Variants in ANKRD30A observed in about 807,000 individuals in gnomAD.
ANKRD30A encodes the protein ankyrin repeat domain-containing protein 30A.
ANKRD30A carries 170 observed loss-of-function variants against 166.3 expected under a neutral mutation model. The observed-to-expected ratio is 1.02, with a 90% CI of 0.90 to 1.16. The LOEUF (loss-of-function observed/expected upper bound fraction) is 1.16. Among genes scored for constraint, ANKRD30A ranks in the 50% most tolerant of loss-of-function variants. The probability of loss-of-function intolerance (pLI) is 0.00; values close to 1 mark genes in which losing one functional copy is unlikely to be tolerated. For missense variants in ANKRD30A, 1,630 were observed against 1,518.0 expected, an observed-to-expected ratio of 1.07 and a Z score of -1.23; for synonymous variants, 564 against 508.9, an observed-to-expected ratio of 1.11 and a Z score of -1.46.
At chr10:37,126,426 A>G (rs1489378841) in intron 1 of ANKRD30A, among the ~76,000 whole-genome samples, 2 of 152,244 alleles carry the variant, frequency 1.3e-5, no homozygotes, top group Non-Finnish European at 2.9e-5. Flanking sequence ...TTCCCATAAT[A>G]TATGTACTTC....
At chr10:37,129,762 CAGG>C (rs72246787) in intron 1 of ANKRD30A, 128 bp from the exon 2 acceptor site, 200,829 of 443,380 alleles carry the variant, frequency 0.45, 46,931 homozygotes, top group South Asian at 0.71. Context: ...GTACTTTCTT[CAGG>C]AGAATATTAA....
chr10:37,203,010 A>G (rs948769672), intron 31 of ANKRD30A, among the ~76,000 whole-genome samples: 3 of 152,194 alleles, frequency 2.0e-5, no homozygotes, highest in African/African-American at 4.8e-5. Flanking sequence ...ACCAACCAAG[A>G]AAAGTCCAGG....
intron 15 of ANKRD30A, among the ~76,000 whole-genome samples, chr10:37,159,765 G>A (rs1010908818): frequency 6.6e-6 from 1 of 151,842 alleles, no homozygotes; most frequent in African/African-American, 2.4e-5. Flanking sequence ...GCGCGATCTC[G>A]GCTCACGCAA....
At position 37,141,699 on chromosome 10, in the gene ANKRD30A, C is replaced by A; in HGVS notation, c.821-19C>A. On this transcript the variant is annotated intron_variant, in intron 6 of 35. Transcript: ENST00000361713. ...ATATTTAGTAGAAGGAAAATTTAACCAGATTGTGTGTTTGGCAGAAGGAAC... is the reference window on the plus strand; with the variant it reads ...ATATTTAGTAGAAGGAAAATTTAACAAGATTGTGTGTTTGGCAGAAGGAAC... 6.2e-7 allele frequency: 1 copy of A among 1,610,518 alleles called. No individual in the cohort carries two copies. Among genetic ancestry groups the A allele is most frequent in the Non-Finnish European group, 8.5e-7 (1 of 1,179,470 alleles).
intron 15 of ANKRD30A, among the ~76,000 whole-genome samples, chr10:37,159,042 T>A (rs373253598): frequency 2.2e-4 from 34 of 152,300 alleles, no homozygotes; most frequent in Admixed American, 1.6e-3. Flanking sequence ...TGTGTGACTT[T>A]TAATTTTAAA....
rs567044388 is a variant in ANKRD30A, at chr10:37,212,193, G to A, written c.2870-3988G>A. Among the ~76,000 whole-genome samples the A allele has an allele frequency of 5.9e-5, 9 of 152,086 alleles. 1 individual carries two copies. The East Asian group carries it at 1.7e-3, about 29-fold the overall frequency. On this transcript the variant is annotated intron_variant, in intron 31 of 35. Coordinates refer to ENST00000361713, the MANE Select transcript of ANKRD30A (RefSeq NM_052997.3). ...AAGTCTCAGGATACAAAATCAATGT[G>A]CAAAAATCACAAGCATTGTTATACA...
At chr10:37,219,930 C>T in intron 34 of ANKRD30A, 33 bp downstream of exon 34, 1 of 1,392,874 alleles carries the variant, frequency 7.2e-7, no homozygotes, top group Non-Finnish European at 9.3e-7. Context: ...ACTTGTCAAA[C>T]TTCCTGAAAG....
At chr10:37,232,891 TAAA>T (rs142064765), downstream of ANKRD30A, among the ~76,000 whole-genome samples, 2 of 127,424 alleles carry the variant, frequency 1.6e-5, no homozygotes, top group South Asian at 2.8e-4. Context: ...TAGCCCCTGT[TAAA>T]AAAAAAAAAA....
At chr10:37,260,144 A>AAG in the ANKRD30A span, among the ~76,000 whole-genome samples, 1 of 151,744 alleles carries the variant, frequency 6.6e-6, no homozygotes, top group Non-Finnish European at 1.5e-5. Flanking sequence ...ACAAAAAAAA[A>AAG]AGAGAGAGAA....
chr10:37,179,703 T>C (rs1377973458), intron 24 of ANKRD30A, among the ~76,000 whole-genome samples: 1 of 140,900 alleles, frequency 7.1e-6, no homozygotes. Context: ...ATGTTTGTAA[T>C]GCAATGATAT....
chr10:37,156,399 T>C (rs1179749586), intron 13 of ANKRD30A, among the ~76,000 whole-genome samples: 2 of 152,080 alleles, frequency 1.3e-5, no homozygotes, highest in African/African-American at 2.4e-5. Context: ...ACTAAGGTGG[T>C]ATTTTCCTAC....
Position 37,129,953 on chromosome 10 carries a change from C to G in ANKRD30A, c.282C>G (p.Asp94Glu). The G allele has an allele frequency of 6.3e-7, 1 of 1,579,226 alleles. No homozygotes were observed. Among genetic ancestry groups the G allele is most frequent in the Non-Finnish European group, 8.6e-7 (1 of 1,160,594 alleles). Reference sequence around the variant, plus strand: ...AGGAAGTAGTAACATTTCTGGTAGACAGAAAGTGCCAGCTTGACGTCCTTG... The same window carrying G: ...AGGAAGTAGTAACATTTCTGGTAGAGAGAAAGTGCCAGCTTGACGTCCTTG... ...GHEEVVTFLV[D>E]RKCQLDVLDG... is the part of the protein sequence containing the mutation. Residue 94 changes from aspartate to glutamate, a missense_variant, in exon 2 of 36, where the codon GAC (aspartate) becomes GAG (glutamate). Physicochemically the swap from Asp to Glu is conservative, Grantham distance 45. Transcript: ENST00000361713.
intron 31 of ANKRD30A, among the ~76,000 whole-genome samples, chr10:37,209,898 G>T (rs1842193856): frequency 6.6e-6 from 1 of 151,916 alleles, no homozygotes; most frequent in East Asian, 1.9e-4. Flanking sequence ...AAGAGAGTTG[G>T]ATCTTTTACA....
In ANKRD30A at chr10:37,125,721, G is replaced by A; in HGVS notation, c.-67G>A. 1 of 562,748 alleles carries A rather than the reference G, an allele frequency of 1.8e-6. No homozygotes were observed. The allele number at this position is 562,748 out of a possible 1,614,324, so 34.9% of individuals were successfully genotyped here. On this transcript the variant is annotated 5_prime_UTR_variant, in exon 1 of 36. Transcript: ENST00000361713. The stretch of plus-strand genomic sequence containing the variant: ...AGAAGGGCGAGGGCGATTGGGGAGG[G>A]GTGGGGGGTGGTGGCTGGGAAGGGC...
chr10:37,243,134 AT>A, the ANKRD30A span, among the ~76,000 whole-genome samples: 261 of 136,752 alleles, frequency 1.9e-3, no homozygotes, highest in Middle Eastern at 3.9e-3. Context: ...TAATTTCCAA[AT>A]TTTTTTTTTT....
At chr10:37,246,738 G>A in the ANKRD30A span, among the ~76,000 whole-genome samples, 1 of 152,152 alleles carries the variant, frequency 6.6e-6, no homozygotes. Context: ...GATGGTTCTA[G>A]AGAAGGATTT....
chr10:37,204,809 A>T (rs1841880394), intron 31 of ANKRD30A, among the ~76,000 whole-genome samples: 1 of 152,220 alleles, frequency 6.6e-6, no homozygotes, highest in Non-Finnish European at 1.5e-5. Flanking sequence ...GACACTTCTC[A>T]AAAGAAGATA....
At chr10:37,141,639 A>G in intron 6 of ANKRD30A, 79 bp from the exon 7 acceptor site, 1 of 1,518,208 alleles carries the variant, frequency 6.6e-7, no homozygotes, top group Non-Finnish European at 9.0e-7. Flanking sequence ...ATACAGAATG[A>G]GTAGAAGTTT....
At chr10:37,153,796 C>T (rs540798777) in intron 13 of ANKRD30A, 134 bp downstream of exon 13, 11 of 1,267,906 alleles carry the variant, frequency 8.7e-6, no homozygotes, top group East Asian at 5.0e-5. Context: ...GTGCAATGGT[C>T]GTAAGTTGTA....
Sources: allele counts gnomAD v4.1 joint callset (sites outside exome capture counted in the v4.1 genomes callset), GRCh38; gene constraint gnomAD v4.1.1; transcripts MANE v1.5; gene names NCBI Gene and HGNC (gene_info 2026-07-23, HGNC 2026-07-21).